Variants in GATA4 observed in about 807,000 individuals in gnomAD.
GATA4 encodes GATA binding protein 4, also known as transcription factor GATA-4.
Under a neutral mutation model 37.9 loss-of-function variants are expected in GATA4, and 7 were observed. The observed-to-expected ratio is 0.18, with a 90% CI of 0.11 to 0.35. The LOEUF (loss-of-function observed/expected upper bound fraction) is 0.35. Among genes scored for constraint, GATA4 ranks in the 10% least tolerant of loss-of-function variants. GATA4 has a pLI of 1.00. For missense variants in GATA4, 647 were observed against 653.0 expected, an observed-to-expected ratio of 0.99 and a Z score of 0.10; for synonymous variants, 372 against 292.6, an observed-to-expected ratio of 1.27 and a Z score of -2.77.
intron 2 of GATA4, among the ~76,000 whole-genome samples, chr8:11,711,762 A>G (rs1054046245): frequency 1.3e-5 from 2 of 151,854 alleles, no homozygotes; most frequent in African/African-American, 4.8e-5. Context: ...AAAAAAAAAA[A>G]AAAAAAAAAA....
At chr8:11,754,647 A>G (rs1802463281) in intron 4 of GATA4, among the ~76,000 whole-genome samples, 1 of 152,120 alleles carries the variant, frequency 6.6e-6, no homozygotes, top group African/African-American at 2.4e-5. Flanking sequence ...TCACCTCCAC[A>G]CTGAAGCCTT....
chr8:11,728,564 GT>G (rs1246971291), intron 2 of GATA4, among the ~76,000 whole-genome samples: 11 of 149,062 alleles, frequency 7.4e-5, no homozygotes, highest in East Asian at 2.0e-4. Context: ...TTTACTTTCT[GT>G]AGGGGCAGGG....
intron 2 of GATA4, among the ~76,000 whole-genome samples, chr8:11,741,528 A>C (rs1801739630): frequency 6.6e-6 from 1 of 152,118 alleles, no homozygotes; most frequent in South Asian, 2.1e-4. Context: ...GCAACAGTCC[A>C]CAAGTTCGCG....
intron 2 of GATA4, among the ~76,000 whole-genome samples, chr8:11,713,441 G>A (rs1800289636): frequency 6.6e-6 from 1 of 152,022 alleles, no homozygotes; most frequent in Admixed American, 6.5e-5. Flanking sequence ...GCCCTGCCTG[G>A]GTCCAACCAC....
chr8:11,695,008 C>G (rs764237739), intron 1 of GATA4, among the ~76,000 whole-genome samples: 4 of 152,216 alleles, frequency 2.6e-5, no homozygotes, highest in African/African-American at 4.8e-5. Flanking sequence ...GTGGTTTTAT[C>G]TGGCACAGAG....
intron 1 of GATA4, among the ~76,000 whole-genome samples, chr8:11,693,607 T>C (rs1799410491): frequency 7.3e-6 from 1 of 136,344 alleles, no homozygotes; most frequent in African/African-American, 3.0e-5. Flanking sequence ...AGAGGATTGA[T>C]TCAGCACAAC....
At chr8:11,678,802 C>A (rs767785012) in intron 1 of GATA4, among the ~76,000 whole-genome samples, 1 of 152,100 alleles carries the variant, frequency 6.6e-6, no homozygotes, top group African/African-American at 2.4e-5. Flanking sequence ...GTGACATAAT[C>A]ATTGCCACAA....
chr8:11,746,026 T>C (rs533168990), intron 2 of GATA4, among the ~76,000 whole-genome samples: 161 of 152,270 alleles, frequency 1.1e-3, no homozygotes, highest in African/African-American at 3.7e-3. Context: ...ATGCCTGTAA[T>C]CCCAGCATTT....
chr8:11,755,417 G>T (rs745667202), intron 5 of GATA4, among the ~76,000 whole-genome samples: 11 of 152,232 alleles, frequency 7.2e-5, no homozygotes, highest in Non-Finnish European at 1.6e-4. Context: ...AGGTCCTGCA[G>T]GAAAGAGGAA....
At chr8:11,750,022 G>A (rs1802221391) in intron 3 of GATA4, 89 bp from the exon 4 acceptor site, 1 of 1,596,852 alleles carries the variant, frequency 6.3e-7, no homozygotes, top group Admixed American at 1.7e-5. Flanking sequence ...CCTCCCGTTA[G>A]GGAGGCCCAG....
chr8:11,687,943 C>T (rs1176547780), upstream of GATA4, among the ~76,000 whole-genome samples: 1 of 152,126 alleles, frequency 6.6e-6, no homozygotes, highest in African/African-American at 2.4e-5. Context: ...GGAAAATGAC[C>T]AATGTCATTT....
intron 5 of GATA4, among the ~76,000 whole-genome samples, chr8:11,756,112 G>A (rs914233937): frequency 5.3e-5 from 8 of 152,138 alleles, no homozygotes; most frequent in Middle Eastern, 6.8e-3. Flanking sequence ...CTGCTACCCA[G>A]TTAAAGATTT....
rs1802802769 is a variant in GATA4 at position 11,759,776 on chromosome 8, C to A, written c.*1301C>A. On this transcript the variant is annotated 3_prime_UTR_variant, in exon 7 of 7. Coordinates refer to ENST00000532059, the MANE Select transcript of GATA4 (RefSeq NM_001308093.3). ...TCAGCAGAGCTGTAGCTGACTGTGG[C>A]ATTACTACGCCTCCCCACACGCCCA... The A allele has an allele frequency of 6.6e-6, 1 of 152,308 alleles. No homozygotes were observed. The highest frequency in any genetic ancestry group is 1.5e-5 in the Non-Finnish European group (1 of 68,066). 9.4% of individuals were successfully genotyped at this position (152,308 alleles called of 1,614,324 possible). A position where few individuals can be genotyped will look rare whatever the true frequency, so the allele number is the denominator to read the frequency against.
chr8:11,728,176 A>T (rs973542185), intron 2 of GATA4, among the ~76,000 whole-genome samples: 3 of 152,020 alleles, frequency 2.0e-5, no homozygotes, highest in African/African-American at 7.2e-5. Flanking sequence ...TTCAGTAGAG[A>T]TGGGGTTTCA....
chr8:11,754,291 G>A (rs1802447103), intron 4 of GATA4, among the ~76,000 whole-genome samples: 1 of 152,218 alleles, frequency 6.6e-6, no homozygotes, highest in African/African-American at 2.4e-5. Flanking sequence ...ATCACGGCTT[G>A]CTGGAGCCTC....
chr8:11,678,457 G>T (rs905775026), intron 1 of GATA4, among the ~76,000 whole-genome samples: 1 of 152,132 alleles, frequency 6.6e-6, no homozygotes, highest in Non-Finnish European at 1.5e-5. Context: ...TCTCTGGCTT[G>T]CTTACCCTTG....
chr8:11,732,307 A>T (rs1211593529), intron 2 of GATA4, among the ~76,000 whole-genome samples: 1 of 152,208 alleles, frequency 6.6e-6, no homozygotes, highest in Non-Finnish European at 1.5e-5. Context: ...TACTAGACGT[A>T]TTGTCATCGA....
intron 2 of GATA4, among the ~76,000 whole-genome samples, chr8:11,721,951 C>G (rs760026903): frequency 9.5e-4 from 145 of 152,308 alleles, no homozygotes; most frequent in South Asian, 1.2e-3. Context: ...TCATTTGAAC[C>G]TCTCTCACTT....
At chr8:11,737,001 CAG>C (rs1801492375) in intron 2 of GATA4, among the ~76,000 whole-genome samples, 1 of 152,106 alleles carries the variant, frequency 6.6e-6, no homozygotes, top group Non-Finnish European at 1.5e-5. Flanking sequence ...TAGAACTAAA[CAG>C]ATCCCTTGCA....
Sources: gnomAD v4.1 joint callset for allele counts (sites outside exome capture counted in the v4.1 genomes callset) on GRCh38, gnomAD v4.1.1 for gene constraint, MANE v1.5 for transcripts, NCBI Gene and HGNC (gene_info 2026-07-23, HGNC 2026-07-21) for gene names.